TBL1X: variants seen among roughly 807,000 people sequenced by gnomAD.
TBL1X encodes F-box-like/WD repeat-containing protein TBL1X.
In TBL1X, 10 loss-of-function variants were observed where a neutral mutation model predicts 50.7. The observed-to-expected ratio is 0.20, with a 90% CI of 0.12 to 0.33. The LOEUF (loss-of-function observed/expected upper bound fraction) is 0.33, where lower values mean the gene tolerates loss of function less well. Ranked by LOEUF, TBL1X falls within the 10% of genes least tolerant of loss-of-function variation. The probability of loss-of-function intolerance (pLI) is 1.00; values close to 1 mark genes in which losing one functional copy is unlikely to be tolerated. For synonymous variants in TBL1X, 190 were observed against 214.7 expected (o/e 0.88, Z 1.01); for missense variants, 340 against 504.4 (o/e 0.67, Z 3.12).
chrX:9,670,343 T>C (rs747564689), intron 5 of TBL1X, among the ~76,000 whole-genome samples: 1 of 110,961 alleles, frequency 9.0e-6, no homozygotes, highest in Non-Finnish European at 1.9e-5. Context: ...TGATTTCATC[T>C]CCAACCCAAC....
chrX:9,673,756 CAACT>C (rs1315213265), intron 5 of TBL1X, among the ~76,000 whole-genome samples: 2 of 112,281 alleles, frequency 1.8e-5, no homozygotes, highest in African/African-American at 6.5e-5. Flanking sequence ...CAAATTCAAC[CAACT>C]GTGACTCAAA....
intron 1 of TBL1X, among the ~76,000 whole-genome samples, chrX:9,475,760 G>T (rs984699546): frequency 1.8e-5 from 2 of 111,525 alleles, no homozygotes; most frequent in African/African-American, 6.5e-5. Context: ...AACCTCAAGT[G>T]GTTCTGGGTT....
In TBL1X at chrX:9,541,050, A is replaced by G. The variant is rs144163896; in HGVS notation, c.-131+39201A>G. 5.3e-3 allele frequency among the ~76,000 whole-genome samples: 595 copies of G among 112,060 alleles called. 9 individuals carry two copies. Among genetic ancestry groups the G allele is most frequent in the African/African-American group, 0.018 (566 of 30,872 alleles). ...CAAAGAGATTTCACTCGCCAGGGAAAAGAAGGAGCCTGCAAATCAGACAAT... is the reference window on the plus strand; with the variant it reads ...CAAAGAGATTTCACTCGCCAGGGAAGAGAAGGAGCCTGCAAATCAGACAAT... On this transcript the variant is annotated intron_variant, in intron 2 of 17. Transcript: ENST00000645353.
intron 1 of TBL1X, among the ~76,000 whole-genome samples, chrX:9,480,447 A>AAGCTC (rs2081875254): frequency 8.9e-6 from 1 of 112,428 alleles, no homozygotes; most frequent in Non-Finnish European, 1.9e-5. Context: ...TTCTGTGGGT[A>AAGCTC]TGAGCAAGTT....
chrX:9,662,811 T>C (rs1044462894), intron 5 of TBL1X, among the ~76,000 whole-genome samples: 2 of 111,543 alleles, frequency 1.8e-5, no homozygotes, highest in Admixed American at 9.5e-5. Context: ...TTTCAAAAAT[T>C]AGCCAGGCAT....
intron 2 of TBL1X, among the ~76,000 whole-genome samples, chrX:9,542,104 A>G (rs1049324479): frequency 9.0e-6 from 1 of 111,326 alleles, no homozygotes; most frequent in African/African-American, 3.3e-5. Context: ...TACTGCTAGT[A>G]TGAACTTTTG....
At chrX:9,518,955 C>G (rs911131236) in intron 2 of TBL1X, among the ~76,000 whole-genome samples, 4 of 110,846 alleles carry the variant, frequency 3.6e-5, no homozygotes, top group African/African-American at 1.3e-4. Context: ...CTTCTGCTCC[C>G]CTGGTGCTTA....
At chrX:9,500,301 GA>G (rs111308138) in intron 1 of TBL1X, among the ~76,000 whole-genome samples, 4 of 86,329 alleles carry the variant, frequency 4.6e-5, no homozygotes, top group Non-Finnish European at 6.5e-5. Context: ...AAAAAAGCAA[GA>G]AAAAAAAAGC....
At chrX:9,488,593 C>G (rs2146938841) in intron 1 of TBL1X, among the ~76,000 whole-genome samples, 1 of 111,988 alleles carries the variant, frequency 8.9e-6, no homozygotes, top group South Asian at 3.7e-4. Context: ...GTCCCTTTTA[C>G]CATATAAGGA....
At chrX:9,487,001 C>T (rs1482844387) in intron 1 of TBL1X, among the ~76,000 whole-genome samples, 2 of 112,047 alleles carry the variant, frequency 1.8e-5, no homozygotes, top group Non-Finnish European at 3.8e-5. Flanking sequence ...AGATTCTTCA[C>T]TCAGGAGAAG....
chrX:9,563,381 G>A (rs775476023), intron 2 of TBL1X, among the ~76,000 whole-genome samples: 184 of 112,657 alleles, frequency 1.6e-3, no homozygotes, highest in African/African-American at 5.5e-3. Context: ...CAAGGCCCTT[G>A]AGTTCCTGTG....
chrX:9,532,615 G>T (rs565437932), intron 2 of TBL1X, among the ~76,000 whole-genome samples: 3 of 111,244 alleles, frequency 2.7e-5, no homozygotes, highest in Middle Eastern at 9.2e-3. Context: ...ACAGCAGCCC[G>T]TAATTCTCCC....
Position 9,697,447 on chromosome X carries a change from G to A in TBL1X, c.1114+18G>A, listed in dbSNP as rs147960728. The A allele has an allele frequency of 4.1e-6, 5 of 1,206,490 alleles. No homozygotes were observed. In the African/African-American group the frequency reaches 5.2e-5, roughly 13 times the overall value. On this transcript the variant is annotated intron_variant, in intron 12 of 17. Coordinates refer to ENST00000645353, the MANE Select transcript of TBL1X (RefSeq NM_005647.4). ...TCATTCAGGTGAGTTTTTTGTTGTT[G>A]TTGTTGTTGTTTGTTTTTTTGTAAT...
intron 2 of TBL1X, among the ~76,000 whole-genome samples, chrX:9,587,104 G>A (rs1252651829): frequency 5.4e-5 from 6 of 111,964 alleles, no homozygotes; most frequent in Middle Eastern, 9.2e-3. Context: ...AGGGCTACCC[G>A]CGTGCAGCCC....
At chrX:9,698,204 G>A (rs999229172) in intron 12 of TBL1X, among the ~76,000 whole-genome samples, 11 of 111,110 alleles carry the variant, frequency 9.9e-5, no homozygotes, top group East Asian at 5.7e-4. Flanking sequence ...AGATGACCTC[G>A]GCACCCACCT....
At chrX:9,603,637 C>T (rs769660891) in intron 2 of TBL1X, among the ~76,000 whole-genome samples, 1 of 111,721 alleles carries the variant, frequency 9.0e-6, no homozygotes, top group Non-Finnish European at 1.9e-5. Context: ...CCTGCAGTTC[C>T]CTTGGAAGAG....
At chrX:9,650,428 A>G (rs763079928) in intron 3 of TBL1X, among the ~76,000 whole-genome samples, 2 of 112,086 alleles carry the variant, frequency 1.8e-5, no homozygotes, top group Non-Finnish European at 3.8e-5. Context: ...GGTGTTTGCC[A>G]GGTCCTGCCA....
intron 7 of TBL1X, among the ~76,000 whole-genome samples, chrX:9,689,020 G>A (rs868157899): frequency 4.0e-5 from 4 of 100,073 alleles, no homozygotes; most frequent in South Asian, 7.3e-4. Flanking sequence ...GTATGTGTGC[G>A]TGTGTGCGTG....
At chrX:9,491,190 G>A (rs2081939521) in intron 1 of TBL1X, among the ~76,000 whole-genome samples, 1 of 104,964 alleles carries the variant, frequency 9.5e-6, no homozygotes, top group South Asian at 4.4e-4. Flanking sequence ...CTGTTGTTGC[G>A]CAGGCTGGTC....
Sources: allele counts gnomAD v4.1 joint callset (sites outside exome capture counted in the v4.1 genomes callset), GRCh38; gene constraint gnomAD v4.1.1; transcripts MANE v1.5; gene names NCBI Gene and HGNC (gene_info 2026-07-23, HGNC 2026-07-21).